RNF216: variants seen among roughly 807,000 people sequenced by gnomAD.
The protein encoded by RNF216 is ring finger protein 216.
Under a neutral mutation model 110.8 loss-of-function variants are expected in RNF216, and 72 were observed. The ratio of observed to expected loss-of-function variants is 0.65; its 90% CI spans 0.54 to 0.79. RNF216 has a LOEUF of 0.79. Ranked by LOEUF, RNF216 falls within the 30% of genes least tolerant of loss-of-function variation. The pLI, the probability that RNF216 is intolerant of heterozygous loss-of-function variation, is 0.00. For synonymous variants in RNF216, 495 were observed against 407.5 expected, an observed-to-expected ratio of 1.21 and a Z score of -2.59; for missense variants, 1,342 against 1,141.2, an observed-to-expected ratio of 1.18 and a Z score of -2.54.
chr7:5,688,933 G>T (rs1791154590), intron 13 of RNF216, among the ~76,000 whole-genome samples: 1 of 152,176 alleles, frequency 6.6e-6, no homozygotes, highest in Admixed American at 6.5e-5. Context: ...AATGTTGACT[G>T]AATGAGAGAA....
At chr7:5,690,309 A>G (rs547868734) in intron 13 of RNF216, among the ~76,000 whole-genome samples, 55 of 150,698 alleles carry the variant, frequency 3.6e-4, no homozygotes, top group Non-Finnish European at 6.0e-4. Flanking sequence ...CCTGGGCAAC[A>G]AGAGTGAAAT....
At chr7:5,661,886 CA>C (rs1360519849) in intron 13 of RNF216, among the ~76,000 whole-genome samples, 4 of 152,232 alleles carry the variant, frequency 2.6e-5, no homozygotes, top group African/African-American at 9.7e-5. Flanking sequence ...GAGCTTTAGA[CA>C]TGAGTCTGTC....
At chr7:5,723,258 A>C (rs1793547873) in intron 8 of RNF216, among the ~76,000 whole-genome samples, 1 of 152,218 alleles carries the variant, frequency 6.6e-6, no homozygotes, top group African/African-American at 2.4e-5. Context: ...AAATTAAAAA[A>C]ATTTTCACCT....
At chr7:5,763,874 G>A (rs1796060141) in intron 1 of RNF216, among the ~76,000 whole-genome samples, 1 of 152,140 alleles carries the variant, frequency 6.6e-6, no homozygotes, top group South Asian at 2.1e-4. Context: ...AGCCCAGCCT[G>A]TATCAATAAA....
intron 1 of RNF216, among the ~76,000 whole-genome samples, chr7:5,780,629 C>A (rs1419695802): frequency 6.6e-5 from 10 of 151,496 alleles, no homozygotes; most frequent in Non-Finnish European, 2.9e-5. Flanking sequence ...CGCTTGAATC[C>A]GGGAGGCAGA....
intron 15 of RNF216, among the ~76,000 whole-genome samples, chr7:5,625,298 T>C (rs140274759): frequency 2.0e-5 from 3 of 152,238 alleles, no homozygotes; most frequent in Admixed American, 2.0e-4. Context: ...TGGTGGTCCC[T>C]GATATCGTGA....
chr7:5,689,371 A>G (rs1791184042), intron 13 of RNF216, among the ~76,000 whole-genome samples: 1 of 151,864 alleles, frequency 6.6e-6, no homozygotes. Flanking sequence ...TTAAAAAAAA[A>G]AAAAAAAAGA....
intron 11 of RNF216, chr7:5,713,179 T>G (rs1436918855): frequency 4.3e-5 from 9 of 211,162 alleles, no homozygotes; most frequent in Non-Finnish European, 9.6e-6. Flanking sequence ...GGGGAGAAGT[T>G]GTTCCCCTCT....
intron 15 of RNF216, among the ~76,000 whole-genome samples, chr7:5,640,291 G>A (rs993728101): frequency 1.2e-4 from 18 of 152,084 alleles, no homozygotes; most frequent in Admixed American, 7.9e-4. Flanking sequence ...TTGATGTAAT[G>A]CAAGAAAAAC....
At chr7:5,626,995 C>T (rs1204559143) in intron 15 of RNF216, among the ~76,000 whole-genome samples, 1 of 152,156 alleles carries the variant, frequency 6.6e-6, no homozygotes, top group Non-Finnish European at 1.5e-5. Flanking sequence ...CTAATCACAA[C>T]CAACAGGACT....
intron 1 of RNF216, among the ~76,000 whole-genome samples, chr7:5,771,446 A>G (rs1000689814): frequency 7.2e-5 from 11 of 152,326 alleles, no homozygotes; most frequent in Admixed American, 7.2e-4. Flanking sequence ...GAAATTCAGA[A>G]TGAAAAGGCA....
rs765999708 is a variant in RNF216, at chr7:5,773,345, C to T, written c.-70+8196G>A. On this transcript the variant is annotated intron_variant, in intron 1 of 16. Coordinates refer to ENST00000389902, the MANE Select transcript of RNF216 (RefSeq NM_207111.4). ...GCAACCTCCACCTCCTGGGTTCAAG[C>T]GATTCTTCTGCCTCAACCTCCAGAA... 1.1e-4 allele frequency among the ~76,000 whole-genome samples: 17 copies of T among 151,364 alleles called. No homozygotes were observed. In the East Asian group the frequency reaches 1.8e-3, roughly 16 times the overall value.
chr7:5,720,621 G>A (rs944806556), intron 9 of RNF216, among the ~76,000 whole-genome samples: 4 of 152,178 alleles, frequency 2.6e-5, no homozygotes, highest in Non-Finnish European at 4.4e-5. Flanking sequence ...GTTTGACCTC[G>A]CAGACCCCCA....
At chr7:5,735,760 G>A (rs1179655793) in intron 5 of RNF216, among the ~76,000 whole-genome samples, 3 of 152,116 alleles carry the variant, frequency 2.0e-5, no homozygotes, top group South Asian at 2.1e-4. Flanking sequence ...CACTCTTAAC[G>A]GTTTTGCCTT....
intron 5 of RNF216, among the ~76,000 whole-genome samples, chr7:5,733,892 T>C (rs1180061810): frequency 1.3e-5 from 2 of 152,212 alleles, no homozygotes; most frequent in African/African-American, 2.4e-5. Context: ...TTTAGATGAG[T>C]AGAAGCCTAC....
chr7:5,686,011 T>C (rs1584449952), intron 13 of RNF216, among the ~76,000 whole-genome samples: 1 of 151,540 alleles, frequency 6.6e-6, no homozygotes, highest in East Asian at 1.9e-4. Context: ...TCATCTGAGG[T>C]GAGGAGTTCG....
chr7:5,635,534 CT>C (rs1787347572), intron 15 of RNF216, among the ~76,000 whole-genome samples: 1 of 152,098 alleles, frequency 6.6e-6, no homozygotes, highest in Non-Finnish European at 1.5e-5. Context: ...CTTTCACAGC[CT>C]TCCTCCCTAA....
At chr7:5,663,644 T>C (rs1057166614) in intron 13 of RNF216, among the ~76,000 whole-genome samples, 7 of 146,300 alleles carry the variant, frequency 4.8e-5, no homozygotes, top group African/African-American at 1.8e-4. Flanking sequence ...TTCGTGCCTG[T>C]AATCGCAGCA....
intron 13 of RNF216, among the ~76,000 whole-genome samples, chr7:5,685,945 G>A (rs1295871067): frequency 2.0e-5 from 3 of 152,016 alleles, no homozygotes; most frequent in African/African-American, 2.4e-5. Context: ...AATTCCGGCC[G>A]GGCGCGGTGG....
Sources: gnomAD v4.1 joint callset for allele counts (sites outside exome capture counted in the v4.1 genomes callset) on GRCh38, gnomAD v4.1.1 for gene constraint, MANE v1.5 for transcripts, NCBI Gene and HGNC (gene_info 2026-07-23, HGNC 2026-07-21) for gene names.